The following APOL5 variants were observed in gnomAD, a reference collection of about 807,000 sequenced individuals.
APOL5 encodes apolipoprotein L5.
Under a neutral mutation model 35.5 loss-of-function variants are expected in APOL5, and 29 were observed. That is an observed-to-expected ratio of 0.82 (90% CI 0.61 to 1.11). APOL5 has a LOEUF of 1.11. Among genes scored for constraint, APOL5 ranks in the 50% most tolerant of loss-of-function variants. The pLI, the probability that APOL5 is intolerant of heterozygous loss-of-function variation, is 0.00. For synonymous variants in APOL5, 188 were observed against 200.2 expected (o/e 0.94, Z 0.51); for missense variants, 514 against 530.4 (o/e 0.97, Z 0.30).
Position 35,717,922 on chromosome 22 carries a change from A to G in APOL5, c.51A>G (p.Leu17=). The G allele has an allele frequency of 6.3e-7, 1 of 1,587,662 alleles. No homozygotes were observed. Among genetic ancestry groups the G allele is most frequent in the Non-Finnish European group, 8.6e-7 (1 of 1,167,284 alleles). ...TGCAAGTTCCCGGTTCCAAGGTGTTACCTGGTAAGTTCTTTTAAGCTTTCA... is the reference window on the plus strand; with the variant it reads ...TGCAAGTTCCCGGTTCCAAGGTGTTGCCTGGTAAGTTCTTTTAAGCTTTCA... ...GNLQVPGSKV[L]PGLGEGCKEM... The change falls in exon 1 of 5, where the codon TTA becomes TTG. Residue 17 remains leucine (L), a synonymous_variant. Transcript: ENST00000249044.
chr22:35,721,450 G>A (rs889476078), intron 2 of APOL5, among the ~76,000 whole-genome samples: 8 of 152,098 alleles, frequency 5.3e-5, no homozygotes, highest in Admixed American at 3.9e-4. Context: ...GGCTGAGGCA[G>A]GAGAATTGCT....
At chr22:35,709,256 A>G in the APOL5 span, among the ~76,000 whole-genome samples, 1 of 152,246 alleles carries the variant, frequency 6.6e-6, no homozygotes, top group South Asian at 2.1e-4. Flanking sequence ...GATATATTCT[A>G]AAAAGCAAAG....
chr22:35,717,235 A>AAAATATATATATAT, upstream of APOL5, among the ~76,000 whole-genome samples: 1 of 57,660 alleles, frequency 1.7e-5, no homozygotes, highest in African/African-American at 7.9e-5. Flanking sequence ...AAAAAAAAAA[A>AAAATATATATATAT]ATATATATAT....
chr22:35,726,914 C>T lies in APOL5; in HGVS notation c.846C>T (p.Gly282=). ...TARGVQRAFE[G]TTLAMTNGAW... The stretch of plus-strand genomic sequence containing the variant: ...GAGGGGTGCAGAGAGCCTTTGAGGG[C>T]ACAACTCTGGCCATGACCAATGGTG... The change falls in exon 3 of 5, where the codon GGC becomes GGT. Residue 282 remains glycine, a synonymous_variant. Transcript: ENST00000249044. 6.2e-7 allele frequency: 1 copy of T among 1,614,220 alleles called. No individual in the cohort carries two copies.
In APOL5 at chr22:35,729,449, T is replaced by C. The variant is rs1927291319; in HGVS notation, c.*102T>C. The C allele has an allele frequency of 6.6e-6, 1 of 152,082 alleles. No homozygotes were observed. The highest frequency in any genetic ancestry group is 6.6e-5 in the Admixed American group (1 of 15,236). 9.4% of individuals were successfully genotyped at this position (152,082 alleles called of 1,614,324 possible). A position where few individuals can be genotyped will look rare whatever the true frequency, so the allele number is the denominator to read the frequency against. On this transcript the variant is annotated 3_prime_UTR_variant, in exon 5 of 5. Coordinates refer to ENST00000249044, the MANE Select transcript of APOL5 (RefSeq NM_030642.1). ...GGGGTAGGGAAACTTCTAGTGGCAA[T>C]GATAAAACCAGCAGCAATGATAATA...
chr22:35,711,871 C>G, the APOL5 span, among the ~76,000 whole-genome samples: 33 of 152,058 alleles, frequency 2.2e-4, 1 homozygote. Context: ...GACGGGGTTT[C>G]GCCATGTTGG....
At position 35,726,926 on chromosome 22, in the gene APOL5, C is replaced by T. The variant is rs531580480; in HGVS notation, c.858C>T (p.Ala286=). 254 of 1,614,190 alleles carry T rather than the reference C, an allele frequency of 1.6e-4. 3 individuals carry two copies. The South Asian group carries it at 2.4e-3, about 16-fold the overall frequency. Residue 286 remains alanine, a synonymous_variant, in exon 3 of 5, where the codon GCC becomes GCT. Transcript: ENST00000249044. ...GAGCCTTTGAGGGCACAACTCTGGC[C>T]ATGACCAATGGTGCCTGGGTGATGG... ...VQRAFEGTTL[A]MTNGAWVMGA... is the part of the protein sequence containing the mutation.
At chr22:35,717,768 G>GGAAA (rs3075240), upstream of APOL5, 1,367 of 410,532 alleles carry the variant, frequency 3.3e-3, 7 homozygotes, top group East Asian at 9.9e-3. Flanking sequence ...GAAAAGAAAA[G>GGAAA]AAAAAAAAAT....
the APOL5 span, among the ~76,000 whole-genome samples, chr22:35,710,039 T>G: frequency 2.6e-5 from 4 of 152,062 alleles, no homozygotes; most frequent in South Asian, 8.3e-4. Flanking sequence ...GCAGCATGTT[T>G]CTGGTGAGTG....
chr22:35,715,498 T>C (rs1346049398), upstream of APOL5, among the ~76,000 whole-genome samples: 2 of 152,048 alleles, frequency 1.3e-5, no homozygotes, highest in Non-Finnish European at 2.9e-5. Flanking sequence ...ATGCAAAAAT[T>C]AGCTGGGCGT....
intron 2 of APOL5, 40 bp from the exon 3 acceptor site, chr22:35,726,171 T>C: frequency 1.3e-6 from 2 of 1,585,134 alleles, no homozygotes; most frequent in Non-Finnish European, 8.6e-7. Context: ...CTCTGCCTCC[T>C]GCACACATTT....
upstream of APOL5, among the ~76,000 whole-genome samples, chr22:35,713,850 T>C (rs970731942): frequency 3.3e-5 from 5 of 152,216 alleles, no homozygotes; most frequent in African/African-American, 1.2e-4. Flanking sequence ...TGGCTGATCC[T>C]GGGTCCGAAA....
intron 1 of APOL5, among the ~76,000 whole-genome samples, chr22:35,718,849 G>A (rs1165774998): frequency 6.6e-6 from 1 of 151,964 alleles, no homozygotes; most frequent in African/African-American, 2.4e-5. Flanking sequence ...CCTGAGGTTG[G>A]GAGTTTGAGA....
At chr22:35,725,133 G>A (rs1213711602) in intron 2 of APOL5, among the ~76,000 whole-genome samples, 1 of 152,184 alleles carries the variant, frequency 6.6e-6, no homozygotes, top group East Asian at 1.9e-4. Flanking sequence ...CCCAGATAGA[G>A]TTGATTTATC....
chr22:35,717,987 A>C, intron 1 of APOL5, 61 bp downstream of exon 1: 1 of 1,371,300 alleles, frequency 7.3e-7, no homozygotes, highest in East Asian at 2.5e-5. Flanking sequence ...TTGTCCCAGA[A>C]ATAGAAAAAA....
upstream of APOL5, among the ~76,000 whole-genome samples, chr22:35,716,907 A>AAAC (rs10672042): frequency 0.71 from 107,930 of 151,178 alleles, 39,157 homozygotes; most frequent in African/African-American, 0.83. Flanking sequence ...ATTTTCATGT[A>AAAC]AACAGTCCCC....
chr22:35,725,756 C>A (rs1927129747), intron 2 of APOL5, among the ~76,000 whole-genome samples: 1 of 152,096 alleles, frequency 6.6e-6, no homozygotes, highest in Non-Finnish European at 1.5e-5. Context: ...AGTGCAGGGT[C>A]TGAAAAATAT....
At chr22:35,716,359 G>A (rs913421626), upstream of APOL5, among the ~76,000 whole-genome samples, 7 of 152,148 alleles carry the variant, frequency 4.6e-5, no homozygotes, top group African/African-American at 1.2e-4. Flanking sequence ...TGCAACCTCC[G>A]CCTCCCGGGT....
chr22:35,717,891 G>A lies in APOL5; in HGVS notation c.20G>A (p.Gly7Glu). The A allele has an allele frequency of 6.3e-7, 1 of 1,586,650 alleles. No homozygotes were observed. Among genetic ancestry groups the A allele is most frequent in the Non-Finnish European group, 8.6e-7 (1 of 1,166,548 alleles). ...TAAAGCATGCCATGTGGCAAACAAG[G>A]AAATTTGCAAGTTCCCGGTTCCAAG... MPCGKQ[G>E]NLQVPGSKVL... The change falls in exon 1 of 5, where the codon GGA becomes GAA. Residue 7 changes from glycine (G) to glutamate (E), a missense_variant. By Grantham distance (98) the Gly-to-Glu change is moderately conservative (BLOSUM62 -2). Coordinates refer to ENST00000249044, the MANE Select transcript of APOL5 (RefSeq NM_030642.1).
Sources: gnomAD v4.1 joint callset for allele counts (sites outside exome capture counted in the v4.1 genomes callset) on GRCh38, gnomAD v4.1.1 for gene constraint, MANE v1.5 for transcripts, NCBI Gene and HGNC (gene_info 2026-07-23, HGNC 2026-07-21) for gene names.